SLCO3A1: variants seen among roughly 807,000 people sequenced by gnomAD.
SLCO3A1 encodes the protein PGE1 transporter.
In SLCO3A1, 27 loss-of-function variants were observed where a neutral mutation model predicts 63.1. The observed-to-expected ratio is 0.43, with a 90% CI of 0.32 to 0.59. The LOEUF is 0.59. SLCO3A1 is among the 20% of genes least tolerant of loss of function. SLCO3A1 has a pLI of 0.09. For synonymous variants in SLCO3A1, 473 were observed against 409.9 expected, an observed-to-expected ratio of 1.15 and a Z score of -1.86; for missense variants, 773 against 945.8, an observed-to-expected ratio of 0.82 and a Z score of 2.40.
chr15:92,047,022 A>T (rs1336235429), intron 2 of SLCO3A1, among the ~76,000 whole-genome samples: 1 of 61,806 alleles, frequency 1.6e-5, no homozygotes, highest in African/African-American at 5.6e-5. Context: ...TATATATAAT[A>T]TATAAATATA....
At chr15:91,878,918 A>G (rs1019432995) in intron 1 of SLCO3A1, among the ~76,000 whole-genome samples, 4 of 152,048 alleles carry the variant, frequency 2.6e-5, no homozygotes, top group African/African-American at 7.2e-5. Flanking sequence ...AGTTTTATCC[A>G]TTTCTCTCTT....
At chr15:92,130,860 A>C (rs1290680904) in intron 7 of SLCO3A1, among the ~76,000 whole-genome samples, 16 of 95,186 alleles carry the variant, frequency 1.7e-4, no homozygotes, top group East Asian at 6.0e-4. Context: ...TTTTTTCTCC[A>C]CTCTTCTTGT....
At chr15:91,861,821 G>C (rs181657472) in intron 1 of SLCO3A1, among the ~76,000 whole-genome samples, 1 of 151,814 alleles carries the variant, frequency 6.6e-6, no homozygotes, top group East Asian at 2.0e-4. Flanking sequence ...GTAGAGATGG[G>C]GTGTGGGGTG....
intron 5 of SLCO3A1, among the ~76,000 whole-genome samples, chr15:92,124,138 A>T (rs1356403227): frequency 6.6e-6 from 1 of 151,982 alleles, no homozygotes; most frequent in Middle Eastern, 3.2e-3. Context: ...CCCCCCTTCC[A>T]CCCCTTGCAA....
intron 5 of SLCO3A1, among the ~76,000 whole-genome samples, chr15:92,123,754 C>A (rs930749829): frequency 3.9e-5 from 6 of 152,200 alleles, no homozygotes; most frequent in African/African-American, 1.2e-4. Context: ...CTTTTTCTTC[C>A]ATTTTGATTC....
intron 2 of SLCO3A1, among the ~76,000 whole-genome samples, chr15:92,073,440 C>A (rs1004660249): frequency 1.3e-5 from 2 of 152,160 alleles, no homozygotes; most frequent in Non-Finnish European, 2.9e-5. Flanking sequence ...TCAAAGAAAG[C>A]CAAGAGCTCT....
chr15:91,879,450 A>G (rs956038927), intron 1 of SLCO3A1, among the ~76,000 whole-genome samples: 15 of 152,186 alleles, frequency 9.9e-5, no homozygotes, highest in African/African-American at 3.6e-4. Flanking sequence ...GTTGAAATTT[A>G]TATGACACTT....
chr15:92,168,708 C>T (rs1269056968), downstream of SLCO3A1, among the ~76,000 whole-genome samples: 1 of 152,204 alleles, frequency 6.6e-6, no homozygotes, highest in Non-Finnish European at 1.5e-5. Context: ...CTTAACACTC[C>T]TGACCATGAG....
chr15:92,125,567 G>A (rs796196067), intron 5 of SLCO3A1, among the ~76,000 whole-genome samples: 1 of 152,046 alleles, frequency 6.6e-6, no homozygotes, highest in Non-Finnish European at 1.5e-5. Flanking sequence ...GTGACCTTTA[G>A]GTTAAACAGC....
In SLCO3A1 at chr15:91,900,139, ATTCTC is replaced by A; in HGVS notation, c.181-15851_181-15847del. Among the ~76,000 whole-genome samples the A allele has an allele frequency of 6.6e-6, 1 of 152,316 alleles. No homozygotes were observed. The highest frequency in any genetic ancestry group is 1.5e-5 in the Non-Finnish European group (1 of 68,028). On this transcript the variant is annotated intron_variant, in intron 1 of 9. Transcript: ENST00000318445. This position sits in a 1 kb window ranked among gnomAD's most constrained non-coding sequence, Gnocchi z 4.3. ...CTGTCAATATAAATGTGTGTTTTTA[ATTCTC>A]TTAGGTAGATACCTGGGAGTAGAAT...
chr15:92,125,076 T>C (rs2047905149), intron 5 of SLCO3A1, among the ~76,000 whole-genome samples: 1 of 152,238 alleles, frequency 6.6e-6, no homozygotes, highest in South Asian at 2.1e-4. Flanking sequence ...TGACTTGTGC[T>C]GTTTTCTTGC....
At chr15:92,128,236 C>T (rs889766016) in intron 6 of SLCO3A1, 115 bp from the exon 7 acceptor site, 1 of 1,245,598 alleles carries the variant, frequency 8.0e-7, no homozygotes, top group East Asian at 2.4e-5. Flanking sequence ...GGTAACAATC[C>T]CATAAGCAGG....
intron 4 of SLCO3A1, among the ~76,000 whole-genome samples, chr15:92,108,085 A>G (rs899950197): frequency 7.2e-5 from 11 of 152,216 alleles, no homozygotes; most frequent in East Asian, 1.9e-4. Flanking sequence ...TCAGCCATCA[A>G]TTGGGTTTTA....
chr15:91,899,726 A>G (rs1414681101), intron 1 of SLCO3A1, among the ~76,000 whole-genome samples: 1 of 152,172 alleles, frequency 6.6e-6, no homozygotes, highest in African/African-American at 2.4e-5. Context: ...AAAACATTCC[A>G]TCCTTCCAGA....
chr15:91,857,681 TA>T (rs1896958923), intron 1 of SLCO3A1, among the ~76,000 whole-genome samples: 1 of 152,166 alleles, frequency 6.6e-6, no homozygotes, highest in Admixed American at 6.5e-5. Flanking sequence ...AGAGACCCCC[TA>T]AAATGTTTTA....
At chr15:91,873,781 T>G (rs1480197071) in intron 1 of SLCO3A1, among the ~76,000 whole-genome samples, 1 of 152,180 alleles carries the variant, frequency 6.6e-6, no homozygotes, top group Non-Finnish European at 1.5e-5. Context: ...TCCCAAAATA[T>G]CTCTATCGCA....
intron 2 of SLCO3A1, among the ~76,000 whole-genome samples, chr15:92,077,346 T>C (rs2047290469): frequency 1.3e-5 from 2 of 152,074 alleles, no homozygotes; most frequent in African/African-American, 4.8e-5. Context: ...TCGGAGATGG[T>C]CATTTTTTTG....
chr15:92,059,198 G>C (rs79842450), intron 2 of SLCO3A1, among the ~76,000 whole-genome samples: 3 of 152,188 alleles, frequency 2.0e-5, no homozygotes, highest in Non-Finnish European at 4.4e-5. Flanking sequence ...CTTCCCTAGG[G>C]GGGTGTTTCC....
rs1171818020 is a variant in SLCO3A1, at chr15:92,033,792, T to C, written c.647-61089T>C. Among the ~76,000 whole-genome samples, 1 of 151,722 alleles carries C rather than the reference T, an allele frequency of 6.6e-6. No homozygotes were observed. Among genetic ancestry groups the C allele is most frequent in the Non-Finnish European group, 1.5e-5 (1 of 67,926 alleles). ...GTCAGAGGGGCAGGTCTCACTGAGG[T>C]TTTGGCATGTGTGTAAAGACATCAA... is the stretch of plus-strand genomic sequence containing the variant. On this transcript the variant is annotated intron_variant, in intron 2 of 9. Coordinates refer to ENST00000318445, the MANE Select transcript of SLCO3A1 (RefSeq NM_013272.4). The surrounding 1 kb of genome is among the most constrained non-coding windows in gnomAD (Gnocchi z 4.5).
Sources: gnomAD v4.1 joint callset for allele counts (sites outside exome capture counted in the v4.1 genomes callset) on GRCh38, gnomAD v4.1.1 for gene constraint, Gnocchi (gnomAD v3.1) non-coding constraint, MANE v1.5 for transcripts, NCBI Gene and HGNC (gene_info 2026-07-23, HGNC 2026-07-21) for gene names.